ALG14: variants seen among roughly 807,000 people sequenced by gnomAD.
ALG14 encodes UDP-N-acetylglucosamine transferase subunit ALG14.
In ALG14, 17 loss-of-function variants were observed where a neutral mutation model predicts 22.8. That is an observed-to-expected ratio of 0.75 (90% CI 0.51 to 1.12). The LOEUF is 1.12. Among genes scored for constraint, ALG14 ranks in the 50% most tolerant of loss-of-function variants. The pLI, the probability that ALG14 is intolerant of heterozygous loss-of-function variation, is 0.00. For synonymous variants in ALG14, 89 were observed against 103.7 expected (o/e 0.86, Z 0.86); for missense variants, 288 against 271.8 (o/e 1.06, Z -0.42).
chr1:94,994,141 GT>G (rs1469028581), intron 3 of ALG14, among the ~76,000 whole-genome samples: 3 of 152,210 alleles, frequency 2.0e-5, no homozygotes, highest in Admixed American at 2.0e-4. Flanking sequence ...ACCAAACATT[GT>G]TTTCCCAACC....
At chr1:95,026,462 ATGTGTGTGTGTG>A (rs141495807) in intron 3 of ALG14, among the ~76,000 whole-genome samples, 20 of 142,354 alleles carry the variant, frequency 1.4e-4, no homozygotes, top group South Asian at 4.8e-4. Context: ...AGCCCAAGGA[ATGTGTGTGTGTG>A]TGTGTGTGTG....
intron 3 of ALG14, among the ~76,000 whole-genome samples, chr1:95,024,067 C>T (rs891823754): frequency 7.9e-5 from 12 of 152,208 alleles, no homozygotes; most frequent in Admixed American, 3.9e-4. Flanking sequence ...TTCTATTCTT[C>T]TCCTTGAAAC....
At chr1:94,996,175 A>C (rs1313094852) in intron 3 of ALG14, among the ~76,000 whole-genome samples, 1 of 152,236 alleles carries the variant, frequency 6.6e-6, no homozygotes. Context: ...GGTACTTAAC[A>C]GAAATGTAGA....
At chr1:95,061,624 C>G (rs1161426933) in intron 2 of ALG14, 1 of 152,252 alleles carries the variant, frequency 6.6e-6, no homozygotes, top group East Asian at 1.9e-4. Context: ...GCCTCTTGAG[C>G]CACTGAAGGC....
chr1:95,027,100 T>G, intron 3 of ALG14, 29 bp downstream of exon 3: 2 of 1,612,160 alleles, frequency 1.2e-6, no homozygotes, highest in South Asian at 2.2e-5. Context: ...GGAGTTACTT[T>G]CTCTCTCCTT....
chr1:94,993,771 T>G (rs573382573), intron 3 of ALG14, among the ~76,000 whole-genome samples: 86 of 152,296 alleles, frequency 5.6e-4, no homozygotes, highest in Non-Finnish European at 1.2e-3. Context: ...TGCTGATTTT[T>G]GGGGTTTGGG....
chr1:95,072,403 CCTAAA>C (rs1460385798), intron 1 of ALG14, among the ~76,000 whole-genome samples: 2 of 152,132 alleles, frequency 1.3e-5, no homozygotes, highest in African/African-American at 2.4e-5. Context: ...ATTCGTGTTT[CCTAAA>C]CTAAATACGC....
intron 3 of ALG14, among the ~76,000 whole-genome samples, chr1:94,990,276 G>C (rs1393751877): frequency 1.3e-5 from 2 of 152,214 alleles, no homozygotes; most frequent in Non-Finnish European, 2.9e-5. Context: ...GCGATCAGTG[G>C]AGGTGGACAG....
At chr1:94,993,756 G>A (rs561172090) in intron 3 of ALG14, among the ~76,000 whole-genome samples, 2 of 152,270 alleles carry the variant, frequency 1.3e-5, no homozygotes, top group South Asian at 2.1e-4. Context: ...GCCTACTTGC[G>A]AGCATGCTGA....
intron 2 of ALG14, among the ~76,000 whole-genome samples, chr1:95,044,358 T>C (rs116737423): frequency 0.013 from 1,974 of 152,278 alleles, 20 homozygotes; most frequent in Non-Finnish European, 0.022. Flanking sequence ...AACAGGTCTC[T>C]ATTTTCCTCA....
chr1:95,010,506 A>G (rs762329008), intron 3 of ALG14, among the ~76,000 whole-genome samples: 4 of 152,244 alleles, frequency 2.6e-5, no homozygotes, highest in Non-Finnish European at 5.9e-5. Context: ...ACTAAAGTAT[A>G]AAGCTGAAAT....
intron 3 of ALG14, among the ~76,000 whole-genome samples, chr1:95,011,386 G>C (rs1571602975): frequency 6.6e-6 from 1 of 151,908 alleles, no homozygotes; most frequent in Non-Finnish European, 1.5e-5. Context: ...CTTAACTGTG[G>C]ACTTCCCAGA....
At chr1:95,071,274 G>A (rs1369187458) in intron 1 of ALG14, among the ~76,000 whole-genome samples, 1 of 152,178 alleles carries the variant, frequency 6.6e-6, no homozygotes, top group Non-Finnish European at 1.5e-5. Context: ...TAGGCCAGGG[G>A]TGGCTCACGT....
chr1:95,064,459 A>G (rs1002816165), intron 2 of ALG14, among the ~76,000 whole-genome samples: 3 of 152,190 alleles, frequency 2.0e-5, no homozygotes, highest in African/African-American at 7.2e-5. Flanking sequence ...TGTTCCTTCA[A>G]TACCTAGATT....
At chr1:95,030,074 T>C (rs1166763668) in intron 2 of ALG14, among the ~76,000 whole-genome samples, 1 of 152,186 alleles carries the variant, frequency 6.6e-6, no homozygotes, top group African/African-American at 2.4e-5. Context: ...AGCAGTACTG[T>C]AGAGTCAAAA....
At chr1:95,021,434 A>T (rs1673658798) in intron 3 of ALG14, among the ~76,000 whole-genome samples, 1 of 152,172 alleles carries the variant, frequency 6.6e-6, no homozygotes, top group South Asian at 2.1e-4. Context: ...GATCCCACTT[A>T]ACTTGGAGAG....
At chr1:95,053,555 G>T (rs1377151584) in intron 2 of ALG14, among the ~76,000 whole-genome samples, 15 of 151,690 alleles carry the variant, frequency 9.9e-5, no homozygotes. Context: ...TGGGATTTTT[G>T]TTTTTTTTGT....
At chr1:94,986,304 A>G (rs1164525738) in intron 3 of ALG14, among the ~76,000 whole-genome samples, 3 of 152,202 alleles carry the variant, frequency 2.0e-5, no homozygotes, top group African/African-American at 7.2e-5. Flanking sequence ...CCTAGAACAA[A>G]GCAGCCATTC....
At position 94,979,310 on chromosome 1, in the gene ALG14, A is replaced by AAAAAAAAAAAAAG. The variant is rs1553222994; in HGVS notation, c.*3765_*3766insCTTTTTTTTTTTT. ...GTCTCGAAAAAAAAAAAAAAAAAAA[A>AAAAAAAAAAAAAG]AAAAGAAAGAAAAAAGTGAAACAAG... is the stretch of plus-strand genomic sequence containing the variant. On this transcript the variant is annotated 3_prime_UTR_variant, in exon 4 of 4. Transcript: ENST00000370205. 12 of 89,782 alleles carry AAAAAAAAAAAAAG rather than the reference A, an allele frequency of 1.3e-4. No individual in the cohort carries two copies. The East Asian group carries it at 1.7e-3, about 13-fold the overall frequency. The allele number at this position is 89,782 out of a possible 1,614,324, so 5.6% of individuals were successfully genotyped here. A position where few individuals can be genotyped will look rare whatever the true frequency, so the allele number is the denominator to read the frequency against.
Sources: gnomAD v4.1 joint callset for allele counts (sites outside exome capture counted in the v4.1 genomes callset) on GRCh38, gnomAD v4.1.1 for gene constraint, MANE v1.5 for transcripts, NCBI Gene and HGNC (gene_info 2026-07-23, HGNC 2026-07-21) for gene names.